Variants in NPFFR2 observed in about 807,000 individuals in gnomAD.
NPFFR2 encodes G-protein coupled receptor 74.
Under a neutral mutation model 13.1 loss-of-function variants are expected in NPFFR2, and 15 were observed. The observed-to-expected ratio is 1.15, with a 90% CI of 0.77 to 1.76. The LOEUF (loss-of-function observed/expected upper bound fraction) is 1.76, where lower values mean the gene tolerates loss of function less well. Ranked by LOEUF, NPFFR2 falls within the 40% of genes most tolerant of loss-of-function variation. The pLI, the probability that NPFFR2 is intolerant of heterozygous loss-of-function variation, is 0.00. For missense variants in NPFFR2, 572 were observed against 503.5 expected, an observed-to-expected ratio of 1.14 and a Z score of -1.30; for synonymous variants, 190 against 175.7, an observed-to-expected ratio of 1.08 and a Z score of -0.65.
At chr4:72,077,975 G>C (rs1220686320) in intron 1 of NPFFR2, among the ~76,000 whole-genome samples, 2 of 152,068 alleles carry the variant, frequency 1.3e-5, no homozygotes, top group Non-Finnish European at 2.9e-5. Flanking sequence ...TGTAGTGGTT[G>C]TGTGGTGGTG....
At chr4:72,057,195 C>T (rs772231334) in intron 1 of NPFFR2, among the ~76,000 whole-genome samples, 1 of 83,508 alleles carries the variant, frequency 1.2e-5, no homozygotes, top group Non-Finnish European at 3.3e-5. Flanking sequence ...CAATCATCAT[C>T]ATCATCATCA....
intron 1 of NPFFR2, among the ~76,000 whole-genome samples, chr4:72,050,491 A>G (rs1387215046): frequency 1.3e-5 from 2 of 152,002 alleles, no homozygotes; most frequent in African/African-American, 4.8e-5. Flanking sequence ...TAAGAATGAC[A>G]AAACAGACTC....
intron 1 of NPFFR2, among the ~76,000 whole-genome samples, chr4:72,076,006 C>CACACACACACAG (rs746237728): frequency 6.1e-4 from 75 of 122,828 alleles, no homozygotes; most frequent in African/African-American, 2.7e-3. Flanking sequence ...CACACACACA[C>CACACACACACAG]AGAGAGAGAG....
rs191617711 is a variant in NPFFR2, at chr4:72,075,954, C to G, written c.-8+43754C>G. ...AAAGTAAATCAATCTCTCTCTCTCT[C>G]TGTCACACACACACACACACATACA... On this transcript the variant is annotated intron_variant, in intron 1 of 3. Coordinates refer to ENST00000308744, the MANE Select transcript of NPFFR2 (RefSeq NM_004885.3). Among the ~76,000 whole-genome samples the G allele has an allele frequency of 8.1e-4, 117 of 145,130 alleles. 1 individual carries two copies. Among genetic ancestry groups the G allele is most frequent in the Admixed American group, 3.6e-3 (49 of 13,684 alleles).
At chr4:72,043,179 A>G (rs183017856) in intron 1 of NPFFR2, among the ~76,000 whole-genome samples, 1 of 152,298 alleles carries the variant, frequency 6.6e-6, no homozygotes, top group East Asian at 1.9e-4. Context: ...ACAAGAATTG[A>G]GGATTGGGAA....
chr4:72,112,729 T>A (rs1721601885), intron 1 of NPFFR2, among the ~76,000 whole-genome samples: 1 of 151,732 alleles, frequency 6.6e-6, no homozygotes, highest in Admixed American at 6.6e-5. Flanking sequence ...ATGTTGTGAG[T>A]CATATTGTGA....
chr4:72,056,940 CT>C (rs1719766085), intron 1 of NPFFR2, among the ~76,000 whole-genome samples: 2 of 151,764 alleles, frequency 1.3e-5, no homozygotes, highest in Admixed American at 1.3e-4. Context: ...GGTTTTTTGT[CT>C]GTTTTTTAGA....
intron 1 of NPFFR2, among the ~76,000 whole-genome samples, chr4:72,049,895 A>C (rs997658417): frequency 1.3e-5 from 2 of 151,958 alleles, no homozygotes; most frequent in Non-Finnish European, 2.9e-5. Flanking sequence ...ACCTTTTGCT[A>C]GTCATAACAA....
chr4:72,068,219 C>A (rs1720131696), intron 1 of NPFFR2, among the ~76,000 whole-genome samples: 1 of 152,156 alleles, frequency 6.6e-6, no homozygotes, highest in Admixed American at 6.5e-5. Context: ...CCTCACACTT[C>A]TGAAGGCTGA....
chr4:72,040,927 A>AATAT (rs61548490), intron 1 of NPFFR2, among the ~76,000 whole-genome samples: 1,685 of 146,506 alleles, frequency 0.012, 15 homozygotes, highest in African/African-American at 0.03. Flanking sequence ...ACTGCTGTAA[A>AATAT]ATATATATAT....
chr4:72,131,079 G>C (rs562574200), intron 2 of NPFFR2, among the ~76,000 whole-genome samples: 20 of 152,038 alleles, frequency 1.3e-4, no homozygotes, highest in African/African-American at 4.1e-4. Context: ...GATGCTTCTT[G>C]TCTTCTCTCC....
At chr4:72,116,988 G>A (rs1721731522) in intron 1 of NPFFR2, among the ~76,000 whole-genome samples, 3 of 152,192 alleles carry the variant, frequency 2.0e-5, no homozygotes, top group African/African-American at 7.2e-5. Flanking sequence ...GCTGTTCCAG[G>A]ATGGGGTCAA....
At chr4:72,037,861 G>T (rs1191911417) in intron 1 of NPFFR2, among the ~76,000 whole-genome samples, 1 of 152,176 alleles carries the variant, frequency 6.6e-6, no homozygotes, top group East Asian at 1.9e-4. Context: ...GTGGCCCTAT[G>T]CTTCCCTTAA....
At chr4:72,099,674 G>A (rs1721180831) in intron 1 of NPFFR2, among the ~76,000 whole-genome samples, 1 of 152,064 alleles carries the variant, frequency 6.6e-6, no homozygotes, top group Admixed American at 6.6e-5. Context: ...CCACCCTGAT[G>A]ACCCCAACAC....
At chr4:72,056,262 T>C (rs1047364128) in intron 1 of NPFFR2, among the ~76,000 whole-genome samples, 1 of 151,958 alleles carries the variant, frequency 6.6e-6, no homozygotes, top group African/African-American at 2.4e-5. Context: ...CCAAAACCCC[T>C]AAGTTCCTTA....
In NPFFR2 at chr4:72,147,275, T is replaced by G; in HGVS notation, c.726T>G (p.Ile242Met). Residue 242 changes from isoleucine (I) to methionine (M), a missense_variant, in exon 4 of 4, where the codon ATT (isoleucine) becomes ATG (methionine). Physicochemically the swap from Ile to Met is conservative, Grantham distance 10. Transcript: ENST00000308744. ...TCATTGTCATCATGTATGGAAGGAT[T>G]GGAATTTCACTCTTCAGGGCTGCAG... ...LSLIVIMYGR[I>M]GISLFRAAVP... The G allele has an allele frequency of 6.2e-7, 1 of 1,614,124 alleles. No individual in the cohort carries two copies. The highest frequency in any genetic ancestry group is 8.5e-7 in the Non-Finnish European group (1 of 1,180,012).
At chr4:72,097,996 C>T (rs1329927475) in intron 1 of NPFFR2, among the ~76,000 whole-genome samples, 3 of 151,986 alleles carry the variant, frequency 2.0e-5, no homozygotes, top group Non-Finnish European at 4.4e-5. Flanking sequence ...TATCTTAATC[C>T]CATTATATAC....
At chr4:72,090,907 G>T (rs1226021095) in intron 1 of NPFFR2, among the ~76,000 whole-genome samples, 2 of 152,108 alleles carry the variant, frequency 1.3e-5, no homozygotes, top group Non-Finnish European at 2.9e-5. Context: ...TCAGTTCTCA[G>T]AGGAAATGCT....
At chr4:72,084,706 G>C (rs1349953083) in intron 1 of NPFFR2, among the ~76,000 whole-genome samples, 1 of 152,106 alleles carries the variant, frequency 6.6e-6, no homozygotes, top group Non-Finnish European at 1.5e-5. Context: ...TTGTGCTTCA[G>C]TGCTTTCCTG....
Sources: gnomAD v4.1 joint callset for allele counts (sites outside exome capture counted in the v4.1 genomes callset) on GRCh38, gnomAD v4.1.1 for gene constraint, MANE v1.5 for transcripts, NCBI Gene and HGNC (gene_info 2026-07-23, HGNC 2026-07-21) for gene names.